RPAP3: variants seen among roughly 807,000 people sequenced by gnomAD.
RPAP3 encodes RNA polymerase II associated protein 3.
RPAP3 carries 58 observed loss-of-function variants against 88.8 expected under a neutral mutation model. The observed-to-expected ratio is 0.65, with a 90% confidence interval of 0.53 to 0.81. RPAP3 has a LOEUF of 0.81. Among genes scored for constraint, RPAP3 ranks in the 40% least tolerant of loss-of-function variants. The pLI is 0.00. For missense variants in RPAP3, 751 were observed against 764.3 expected (o/e 0.98, Z 0.20); for synonymous variants, 255 against 259.9 (o/e 0.98, Z 0.18).
chr12:47,691,756 T>A (rs1012821941), intron 5 of RPAP3, among the ~76,000 whole-genome samples: 3 of 151,216 alleles, frequency 2.0e-5, no homozygotes, highest in Non-Finnish European at 4.4e-5. Context: ...TTTTTTTTTC[T>A]TTTTTTTTGA....
At chr12:47,705,035 G>A (rs945387699) in intron 1 of RPAP3, among the ~76,000 whole-genome samples, 4 of 152,046 alleles carry the variant, frequency 2.6e-5, no homozygotes, top group Non-Finnish European at 4.4e-5. Flanking sequence ...GAGATTATAT[G>A]GAGATTACAG....
intron 5 of RPAP3, among the ~76,000 whole-genome samples, chr12:47,692,392 G>A (rs889483694): frequency 7.9e-5 from 12 of 152,232 alleles, no homozygotes; most frequent in African/African-American, 2.7e-4. Context: ...ACTTTCTGCA[G>A]GTTCTCCGTC....
At chr12:47,678,776 T>C (rs975571181) in intron 12 of RPAP3, among the ~76,000 whole-genome samples, 7 of 152,130 alleles carry the variant, frequency 4.6e-5, no homozygotes, top group Non-Finnish European at 7.3e-5. Context: ...TGTGGAGAAA[T>C]AGGAACGCTT....
At chr12:47,690,120 T>C (rs571143908) in intron 6 of RPAP3, among the ~76,000 whole-genome samples, 36 of 152,144 alleles carry the variant, frequency 2.4e-4, no homozygotes, top group Admixed American at 2.0e-3. Flanking sequence ...GATTTTGTGA[T>C]TTGTAATACA....
chr12:47,688,617 A>G (rs770304158), intron 7 of RPAP3, among the ~76,000 whole-genome samples: 24 of 152,230 alleles, frequency 1.6e-4, no homozygotes, highest in Non-Finnish European at 3.2e-4. Flanking sequence ...CAGACATAAC[A>G]GTTCATTACA....
intron 5 of RPAP3, among the ~76,000 whole-genome samples, chr12:47,693,263 G>T (rs925278267): frequency 6.6e-6 from 1 of 152,070 alleles, no homozygotes; most frequent in Non-Finnish European, 1.5e-5. Context: ...GGAGAGAGAT[G>T]GGGGGTCGGG....
chr12:47,696,299 C>A lies in RPAP3; in HGVS notation c.522G>T (p.Ala174=), dbSNP rs371465577. ...ACTTTTTCAGTCTAAAATATGCTGA[C>A]GCTCTGTTCGTTGGCAACACGGGAT... ...PYNPVLPTNR[A]SAYFRLKKFA... Residue 174 remains alanine (A), a synonymous_variant, in exon 5 of 17, where the codon GCG becomes GCT. Transcript: ENST00000005386. 2 of 1,575,196 alleles carry A rather than the reference C, an allele frequency of 1.3e-6. No individual in the cohort carries two copies. The highest frequency in any genetic ancestry group is 2.3e-5 in the East Asian group (1 of 42,996).
rs1435605019 is a variant in RPAP3 at position 47,682,399 on chromosome 12, A to C, written c.993-582T>G. 2.6e-5 allele frequency among the ~76,000 whole-genome samples: 4 copies of C among 152,142 alleles called. No homozygotes were observed. In the East Asian group the frequency reaches 7.7e-4, roughly 29 times the overall value. ...AAGAGCTCAACCCCCTCCACCAAAA[A>C]AACCCAATAACAAAAAAACTTCAGA... On this transcript the variant is annotated intron_variant, in intron 9 of 16. Coordinates refer to ENST00000005386, the MANE Select transcript of RPAP3 (RefSeq NM_024604.3).
chr12:47,664,344 C>T (rs1246210298), intron 16 of RPAP3, among the ~76,000 whole-genome samples: 7 of 152,050 alleles, frequency 4.6e-5, no homozygotes, highest in African/African-American at 1.4e-4. Flanking sequence ...GAGCTGAGAT[C>T]GAGCCACTGC....
At chr12:47,689,251 T>G in intron 6 of RPAP3, 56 bp from the exon 7 acceptor site, 1 of 707,254 alleles carries the variant, frequency 1.4e-6, no homozygotes, top group South Asian at 1.7e-5. Context: ...TTTTAAAACA[T>G]GTACAAAACA....
chr12:47,696,430 T>G, intron 4 of RPAP3, 27 bp from the exon 5 acceptor site: 2 of 1,510,508 alleles, frequency 1.3e-6, no homozygotes, highest in Non-Finnish European at 1.8e-6. Flanking sequence ...TAAAATGATC[T>G]TTTTTACAAA....
intron 3 of RPAP3, 183 bp downstream of exon 3, chr12:47,701,281 A>G (rs1017492663): frequency 1.6e-5 from 6 of 386,202 alleles, no homozygotes; most frequent in African/African-American, 8.3e-5. Context: ...AGGATTGCAG[A>G]AAAAAAAATT....
At chr12:47,703,513 C>T (rs1437954376) in intron 1 of RPAP3, among the ~76,000 whole-genome samples, 2 of 152,122 alleles carry the variant, frequency 1.3e-5, no homozygotes, top group Non-Finnish European at 2.9e-5. Context: ...GTAAAATAAC[C>T]CCTGGTTGAG....
At chr12:47,670,604 A>G (rs955007905) in intron 12 of RPAP3, among the ~76,000 whole-genome samples, 1 of 152,222 alleles carries the variant, frequency 6.6e-6, no homozygotes, top group Non-Finnish European at 1.5e-5. Context: ...TAAGAGATGA[A>G]AGCACAAAAC....
intron 16 of RPAP3, among the ~76,000 whole-genome samples, chr12:47,666,461 CTTT>C (rs1210441666): frequency 1.3e-5 from 2 of 152,246 alleles, no homozygotes; most frequent in Admixed American, 6.5e-5. Flanking sequence ...TCTTGCACTT[CTTT>C]GAGAATTCAG....
chr12:47,675,501 T>C (rs1939093374), intron 12 of RPAP3, among the ~76,000 whole-genome samples: 1 of 152,034 alleles, frequency 6.6e-6, no homozygotes, highest in Non-Finnish European at 1.5e-5. Context: ...AGGAGACCCA[T>C]CTCACGTGCA....
At chr12:47,672,159 TACC>T (rs1191516992) in intron 12 of RPAP3, among the ~76,000 whole-genome samples, 1 of 152,188 alleles carries the variant, frequency 6.6e-6, no homozygotes, top group Non-Finnish European at 1.5e-5. Context: ...TTTCACTTAT[TACC>T]ACTCTCAGGG....
intron 5 of RPAP3, among the ~76,000 whole-genome samples, chr12:47,691,018 G>A (rs1939417840): frequency 1.3e-5 from 2 of 152,114 alleles, no homozygotes; most frequent in South Asian, 2.1e-4. Context: ...AATAAAATCT[G>A]AGTCTTTAGT....
chr12:47,683,813 T>C (rs1264682691), intron 9 of RPAP3, among the ~76,000 whole-genome samples: 1 of 152,198 alleles, frequency 6.6e-6, no homozygotes, highest in Admixed American at 6.5e-5. Context: ...TCAGGTCCAC[T>C]TGCCCTAGGT....
Sources: gnomAD v4.1 joint callset for allele counts (sites outside exome capture counted in the v4.1 genomes callset) on GRCh38, gnomAD v4.1.1 for gene constraint, MANE v1.5 for transcripts, NCBI Gene and HGNC (gene_info 2026-07-23, HGNC 2026-07-21) for gene names.